The following PIP4K2A variants were observed in gnomAD, a reference collection of about 807,000 sequenced individuals.
PIP4K2A encodes phosphatidylinositol-5-phosphate 4-kinase type 2 alpha, also known as phosphatidylinositol 5-phosphate 4-kinase type-2 alpha.
A neutral mutation model predicts 42.9 loss-of-function variants in PIP4K2A; 14 were observed. That is an observed-to-expected ratio of 0.33 (90% CI 0.22 to 0.51). The LOEUF (loss-of-function observed/expected upper bound fraction) is 0.51, where lower values mean the gene tolerates loss of function less well. PIP4K2A is among the 20% of genes least tolerant of loss of function. The pLI, the probability that PIP4K2A is intolerant of heterozygous loss-of-function variation, is 0.97. For missense variants in PIP4K2A, 434 were observed against 519.8 expected, an observed-to-expected ratio of 0.83 and a Z score of 1.61; for synonymous variants, 192 against 192.2, an observed-to-expected ratio of 1.00 and a Z score of 0.01.
chr10:22,598,872 CA>C (rs1685078611), intron 3 of PIP4K2A, among the ~76,000 whole-genome samples: 1 of 152,236 alleles, frequency 6.6e-6, no homozygotes, highest in African/African-American at 2.4e-5. Context: ...TAATAATCAA[CA>C]TGCACAAACT....
chr10:22,678,333 ATTC>A (rs1839598809), intron 1 of PIP4K2A, among the ~76,000 whole-genome samples: 1 of 151,952 alleles, frequency 6.6e-6, no homozygotes, highest in Non-Finnish European at 1.5e-5. Flanking sequence ...TGGTCCCTGA[ATTC>A]TTTTTAGCAG....
At chr10:22,636,958 G>A (rs765132993) in intron 1 of PIP4K2A, among the ~76,000 whole-genome samples, 1 of 152,238 alleles carries the variant, frequency 6.6e-6, no homozygotes, top group Non-Finnish European at 1.5e-5. Flanking sequence ...AGCCACGTGA[G>A]TGAGACCAGA....
In PIP4K2A at chr10:22,654,261, T is replaced by A. The variant is rs1760615721; in HGVS notation, c.145-44544A>T. On this transcript the variant is annotated intron_variant, in intron 1 of 9. Transcript: ENST00000376573. ...ATATTCAAGGTTGAATTATTTTATTTCCTCAAGGTGAGCTGGACACTCACT... is the reference window on the plus strand; with the variant it reads ...ATATTCAAGGTTGAATTATTTTATTACCTCAAGGTGAGCTGGACACTCACT... Among the ~76,000 whole-genome samples, 3 of 152,202 alleles carry A rather than the reference T, an allele frequency of 2.0e-5. No individual in the cohort carries two copies. In the South Asian group the frequency reaches 6.2e-4, roughly 32 times the overall value.
intron 3 of PIP4K2A, among the ~76,000 whole-genome samples, chr10:22,595,195 T>C (rs1837605475): frequency 6.6e-6 from 1 of 152,212 alleles, no homozygotes; most frequent in Non-Finnish European, 1.5e-5. Context: ...CATATTTATT[T>C]TCACAATATT....
chr10:22,654,375 G>GA (rs919103994), intron 1 of PIP4K2A, among the ~76,000 whole-genome samples: 7 of 151,722 alleles, frequency 4.6e-5, no homozygotes, highest in African/African-American at 1.7e-4. Flanking sequence ...CATGTGTGGA[G>GA]AAAAAAAAGA....
At chr10:22,648,922 A>T (rs1778345) in intron 1 of PIP4K2A, among the ~76,000 whole-genome samples, 1 of 152,050 alleles carries the variant, frequency 6.6e-6, no homozygotes, top group African/African-American at 2.4e-5. Context: ...CATTTGCTTG[A>T]GGGCAGAAAG....
At chr10:22,642,692 T>C (rs1208585043) in intron 1 of PIP4K2A, among the ~76,000 whole-genome samples, 1 of 135,526 alleles carries the variant, frequency 7.4e-6, no homozygotes, top group Non-Finnish European at 1.6e-5. Flanking sequence ...AAACGATAGT[T>C]AGAACAGGTT....
chr10:22,612,959 G>C (rs1486593651), intron 1 of PIP4K2A, among the ~76,000 whole-genome samples: 1 of 152,162 alleles, frequency 6.6e-6, no homozygotes, highest in African/African-American at 2.4e-5. Flanking sequence ...AGGGGCCGGT[G>C]TGATGGGGAG....
In PIP4K2A at chr10:22,710,560, C is replaced by T. The variant is rs144336522; in HGVS notation, c.144+3623G>A. The stretch of plus-strand genomic sequence containing the variant: ...TTCCCTGCTCTGTGGAGGAACCAGC[C>T]AGCTATGAAGGAGAACTGAGCCAAA... On this transcript the variant is annotated intron_variant, in intron 1 of 9. Coordinates refer to ENST00000376573, the MANE Select transcript of PIP4K2A (RefSeq NM_005028.5). 3.3e-3 allele frequency among the ~76,000 whole-genome samples: 501 copies of T among 152,210 alleles called. 2 individuals are homozygous for T. Among genetic ancestry groups the T allele is most frequent in the African/African-American group, 0.011 (475 of 41,530 alleles).
chr10:22,538,705 G>A (rs533764876), intron 9 of PIP4K2A, among the ~76,000 whole-genome samples: 4 of 152,282 alleles, frequency 2.6e-5, no homozygotes, highest in African/African-American at 4.8e-5. Flanking sequence ...CGGAATGGGG[G>A]TGGTGCACCT....
At chr10:22,671,496 G>A (rs1839449463) in intron 1 of PIP4K2A, among the ~76,000 whole-genome samples, 1 of 152,124 alleles carries the variant, frequency 6.6e-6, no homozygotes. Flanking sequence ...GTGGCAGCCT[G>A]ATGCCTGGCA....
At chr10:22,653,182 T>TAAGAAGAAAAATAGTTTCAAAGAATA (rs2130816465) in intron 1 of PIP4K2A, among the ~76,000 whole-genome samples, 1 of 152,176 alleles carries the variant, frequency 6.6e-6, no homozygotes, top group East Asian at 1.9e-4. Context: ...AAGACAACTC[T>TAAGAAGAAAAATAGTTTCAAAGAATA]AAGAAGAAAA....
At chr10:22,617,891 T>C (rs1008209456) in intron 1 of PIP4K2A, among the ~76,000 whole-genome samples, 1 of 152,152 alleles carries the variant, frequency 6.6e-6, no homozygotes, top group African/African-American at 2.4e-5. Context: ...TTCTACTACT[T>C]AAATATGAGG....
intron 1 of PIP4K2A, 122 bp downstream of exon 1, chr10:22,714,060 CA>C: frequency 9.8e-7 from 1 of 1,018,754 alleles, no homozygotes; most frequent in South Asian, 1.7e-5. Context: ...GGCGGGCGAG[CA>C]GCCGGAGGTC....
rs1384121900 is a variant in PIP4K2A at position 22,584,323 on chromosome 10, A to T, written c.492+7306T>A. Among the ~76,000 whole-genome samples, 3 of 2,202 alleles carry T rather than the reference A, an allele frequency of 1.4e-3. No homozygotes were observed. The Admixed American group carries it at 0.014, about 10-fold the overall frequency. The allele number at this position is 2,202 out of a possible 152,430, so 1.4% of individuals were successfully genotyped here. On this transcript the variant is annotated intron_variant, in intron 4 of 9. Transcript: ENST00000376573. Reference sequence around the variant, plus strand: ...ATAAAAAAGATAATTGTTGAAATTAAAAAAAAAAAAGATTAGAACAGTTGA... The same window carrying T: ...ATAAAAAAGATAATTGTTGAAATTATAAAAAAAAAAGATTAGAACAGTTGA...
intron 1 of PIP4K2A, among the ~76,000 whole-genome samples, chr10:22,696,290 A>G (rs936435288): frequency 4.6e-5 from 7 of 152,218 alleles, no homozygotes; most frequent in African/African-American, 1.7e-4. Context: ...AACACAGGCT[A>G]TAAGGGTCTC....
At chr10:22,539,887 G>A in intron 9 of PIP4K2A, 84 bp downstream of exon 9, 1 of 585,496 alleles carries the variant, frequency 1.7e-6, no homozygotes, top group Non-Finnish European at 3.0e-6. Flanking sequence ...GAGGAGCCAG[G>A]AGAGAGAGAG....
At chr10:22,581,667 TC>T (rs1463586997) in intron 4 of PIP4K2A, among the ~76,000 whole-genome samples, 1 of 151,920 alleles carries the variant, frequency 6.6e-6, no homozygotes, top group African/African-American at 2.4e-5. Flanking sequence ...TCTTGTCACT[TC>T]CCTTCATTAC....
chr10:22,700,293 G>C (rs1268300736), intron 1 of PIP4K2A, among the ~76,000 whole-genome samples: 3 of 152,216 alleles, frequency 2.0e-5, no homozygotes, highest in African/African-American at 7.2e-5. Context: ...TCATACAAGT[G>C]AATCTGCATT....
Sources: allele counts gnomAD v4.1 joint callset (sites outside exome capture counted in the v4.1 genomes callset), GRCh38; gene constraint gnomAD v4.1.1; transcripts MANE v1.5; gene names NCBI Gene and HGNC (gene_info 2026-07-23, HGNC 2026-07-21).